The following F13A1 variants were observed in gnomAD, a reference collection of about 807,000 sequenced individuals.
F13A1 encodes coagulation factor XIII A chain, also known as FSF, A subunit.
F13A1 carries 47 observed loss-of-function variants against 80.1 expected under a neutral mutation model. The ratio of observed to expected loss-of-function variants is 0.59; its 90% CI spans 0.46 to 0.75. The LOEUF (loss-of-function observed/expected upper bound fraction) is 0.75. Ranked by LOEUF, F13A1 falls within the 30% of genes least tolerant of loss-of-function variation. The pLI is 0.00. For synonymous variants in F13A1, 349 were observed against 344.9 expected (o/e 1.01, Z -0.13); for missense variants, 817 against 930.4 (o/e 0.88, Z 1.59).
At chr6:6,149,222 T>A (rs1760331972) in intron 14 of F13A1, among the ~76,000 whole-genome samples, 1 of 152,220 alleles carries the variant, frequency 6.6e-6, no homozygotes, top group African/African-American at 2.4e-5. Flanking sequence ...TTGAATGTTC[T>A]CACCACAAAG....
intron 7 of F13A1, among the ~76,000 whole-genome samples, chr6:6,223,759 A>AT (rs1183095155): frequency 1.3e-5 from 2 of 151,890 alleles, no homozygotes; most frequent in South Asian, 4.2e-4. Flanking sequence ...TTTTGTAATC[A>AT]TTTTTTTAAA....
At chr6:6,183,265 T>C (rs1761020810) in intron 10 of F13A1, among the ~76,000 whole-genome samples, 1 of 152,236 alleles carries the variant, frequency 6.6e-6, no homozygotes, top group Non-Finnish European at 1.5e-5. Flanking sequence ...TAACTCCTTC[T>C]TCATAGGACG....
intron 13 of F13A1, among the ~76,000 whole-genome samples, chr6:6,155,085 C>T (rs33999749): frequency 0.2 from 30,783 of 152,078 alleles, 3,261 homozygotes; most frequent in Middle Eastern, 0.28. Context: ...TTAGGGGATG[C>T]ACTATAGACC....
intron 3 of F13A1, among the ~76,000 whole-genome samples, chr6:6,279,888 T>G (rs963232579): frequency 2.0e-5 from 3 of 152,240 alleles, no homozygotes; most frequent in African/African-American, 7.2e-5. Context: ...ACTGATGACA[T>G]TTTTGCTAAA....
At chr6:6,174,920 A>C in intron 11 of F13A1, 53 bp from the exon 12 acceptor site, 1 of 1,607,066 alleles carries the variant, frequency 6.2e-7, no homozygotes. Context: ...ACCAGAGAGA[A>C]AGTCACATTA....
At chr6:6,281,459 G>T (rs1277513049) in intron 3 of F13A1, among the ~76,000 whole-genome samples, 1 of 152,194 alleles carries the variant, frequency 6.6e-6, no homozygotes, top group Non-Finnish European at 1.5e-5. Context: ...AGAATAATCA[G>T]GATCTGAATT....
chr6:6,152,610 G>A (rs190985852), intron 13 of F13A1, among the ~76,000 whole-genome samples: 3 of 152,268 alleles, frequency 2.0e-5, no homozygotes, highest in Admixed American at 2.0e-4. Context: ...TCAGTGCCAG[G>A]TTCAACACTT....
At chr6:6,255,502 GC>G (rs1193344522) in intron 4 of F13A1, among the ~76,000 whole-genome samples, 1 of 152,056 alleles carries the variant, frequency 6.6e-6, no homozygotes, top group African/African-American at 2.4e-5. Flanking sequence ...TGCGTCCCCA[GC>G]CCCCAACACT....
At chr6:6,246,549 T>C (rs947941292) in intron 6 of F13A1, among the ~76,000 whole-genome samples, 1 of 152,264 alleles carries the variant, frequency 6.6e-6, no homozygotes, top group Non-Finnish European at 1.5e-5. Context: ...TTTCTCTGTC[T>C]AGTTTTAAAT....
chr6:6,268,436 G>T (rs1757875029), intron 3 of F13A1, among the ~76,000 whole-genome samples: 1 of 152,204 alleles, frequency 6.6e-6, no homozygotes, highest in Non-Finnish European at 1.5e-5. Flanking sequence ...CATCTGGTTT[G>T]AGAGTCGGCC....
intron 8 of F13A1, among the ~76,000 whole-genome samples, chr6:6,216,630 G>A (rs2113047264): frequency 6.7e-6 from 1 of 149,994 alleles, no homozygotes; most frequent in Non-Finnish European, 1.5e-5. Context: ...AGGACTTCAT[G>A]TCTAAAACAC....
chr6:6,164,260 C>T (rs1202817581), intron 13 of F13A1, among the ~76,000 whole-genome samples: 2 of 152,124 alleles, frequency 1.3e-5, no homozygotes, highest in East Asian at 1.9e-4. Flanking sequence ...CGCATGTTCT[C>T]ACTTATAGGT....
intron 13 of F13A1, among the ~76,000 whole-genome samples, chr6:6,157,552 C>T (rs1227942515): frequency 6.6e-6 from 1 of 152,052 alleles, no homozygotes; most frequent in Non-Finnish European, 1.5e-5. Context: ...ATAAGTTGAC[C>T]CTGAACTAAA....
chr6:6,221,799 T>C (rs1001224340), intron 8 of F13A1, among the ~76,000 whole-genome samples: 4 of 152,222 alleles, frequency 2.6e-5, no homozygotes, highest in African/African-American at 9.6e-5. Flanking sequence ...GACCTTTTTT[T>C]GGTGGTTGCT....
At chr6:6,315,368 G>A (rs1215496697) in intron 2 of F13A1, among the ~76,000 whole-genome samples, 2 of 152,318 alleles carry the variant, frequency 1.3e-5, no homozygotes, top group East Asian at 1.9e-4. Flanking sequence ...CTAAAATCAT[G>A]CAAAGATGTC....
chr6:6,182,038 ATTTG>A lies in F13A1; in HGVS notation c.1405_1408del (p.Gln469LeufsTer6), dbSNP rs1760997136. On this transcript the variant is annotated frameshift_variant, in exon 11 of 15. Coordinates refer to ENST00000264870, the MANE Select transcript of F13A1 (RefSeq NM_000129.4). LOFTEE classifies it high-confidence loss of function. ...AATATCCATCATGCCATCTCCTCCA[ATTTG>A]TTTGGTCACAATTAATTTCCCAATG... The A allele has an allele frequency of 2.5e-6, 4 of 1,614,062 alleles. No homozygotes were observed. Among genetic ancestry groups the A allele is most frequent in the African/African-American group, 1.3e-5 (1 of 74,946 alleles).
intron 3 of F13A1, among the ~76,000 whole-genome samples, chr6:6,271,140 C>T (rs191038840): frequency 2.6e-5 from 4 of 152,214 alleles, no homozygotes; most frequent in Admixed American, 6.5e-5. Flanking sequence ...TTTTCATATT[C>T]CTGTATGGGA....
intron 8 of F13A1, among the ~76,000 whole-genome samples, chr6:6,210,240 A>G (rs1368194851): frequency 6.7e-6 from 1 of 148,288 alleles, no homozygotes; most frequent in East Asian, 2.0e-4. Flanking sequence ...TAATAATAAT[A>G]ATACATAAAT....
At chr6:6,299,076 C>T (rs1288063722) in intron 3 of F13A1, among the ~76,000 whole-genome samples, 2 of 140,604 alleles carry the variant, frequency 1.4e-5, no homozygotes, top group Non-Finnish European at 1.5e-5. Context: ...GAATATTGGC[C>T]CCCACTCTCT....
Sources: allele counts gnomAD v4.1 joint callset (sites outside exome capture counted in the v4.1 genomes callset), GRCh38; gene constraint gnomAD v4.1.1; transcripts MANE v1.5; gene names NCBI Gene and HGNC (gene_info 2026-07-23, HGNC 2026-07-21).